DPYSL3: variants seen among roughly 807,000 people sequenced by gnomAD.
The protein encoded by DPYSL3 is dihydropyrimidinase-related protein 3.
A neutral mutation model predicts 66.1 loss-of-function variants in DPYSL3; 16 were observed. The observed-to-expected ratio is 0.24, with a 90% confidence interval of 0.16 to 0.37. The LOEUF is 0.37. Ranked by LOEUF, DPYSL3 falls within the 10% of genes least tolerant of loss-of-function variation. DPYSL3 has a pLI of 1.00. For missense variants in DPYSL3, 738 were observed against 916.2 expected, an observed-to-expected ratio of 0.81 and a Z score of 2.51; for synonymous variants, 338 against 345.1, an observed-to-expected ratio of 0.98 and a Z score of 0.23.
intron 1 of DPYSL3, among the ~76,000 whole-genome samples, chr5:147,474,612 G>A (rs1235003720): frequency 6.6e-6 from 1 of 152,010 alleles, no homozygotes; most frequent in East Asian, 1.9e-4. Context: ...ATTATGAATT[G>A]GAGGTAATGA....
chr5:147,399,023 G>A (rs1467651483), intron 11 of DPYSL3, 59 bp downstream of exon 11: 1 of 1,583,220 alleles, frequency 6.3e-7, no homozygotes, highest in East Asian at 2.2e-5. Flanking sequence ...CATTTCTCCT[G>A]ACCAAGTTCC....
chr5:147,484,052 G>A (rs1214799893), intron 1 of DPYSL3, among the ~76,000 whole-genome samples: 2 of 152,184 alleles, frequency 1.3e-5, no homozygotes, highest in African/African-American at 4.8e-5. Context: ...AATGACCTGT[G>A]AAATCAGCAG....
chr5:147,444,562 G>C (rs576812432), intron 1 of DPYSL3, among the ~76,000 whole-genome samples: 5 of 152,136 alleles, frequency 3.3e-5, no homozygotes, highest in African/African-American at 9.6e-5. Flanking sequence ...AAGGTTTTTG[G>C]TTCCATGAAT....
chr5:147,434,165 T>C lies in DPYSL3; in HGVS notation c.382-9202A>G, dbSNP rs149695198. Among the ~76,000 whole-genome samples, 4 of 152,298 alleles carry C rather than the reference T, an allele frequency of 2.6e-5. No homozygotes were observed. In the East Asian group the frequency reaches 7.7e-4, roughly 29 times the overall value. ...AATCAAATCCAAATTACAGTACAAA[T>C]ACAAGGCAGCTATTACCATTTTATA... On this transcript the variant is annotated intron_variant, in intron 1 of 13. Transcript: ENST00000343218.
At chr5:147,410,286 G>T (rs769084540) in intron 6 of DPYSL3, among the ~76,000 whole-genome samples, 1 of 151,858 alleles carries the variant, frequency 6.6e-6, no homozygotes, top group Non-Finnish European at 1.5e-5. Flanking sequence ...AATCACCAGG[G>T]GATTATTTTC....
In DPYSL3 at chr5:147,491,433, A is replaced by G. The variant is rs564303835; in HGVS notation, c.381+18045T>C. Reference sequence around the variant, plus strand: ...AAGGCAGAAAACCGAGTGTGAAGAGACTAAAACAAGCATCAAAACAAGAGT... The same window carrying G: ...AAGGCAGAAAACCGAGTGTGAAGAGGCTAAAACAAGCATCAAAACAAGAGT... On this transcript the variant is annotated intron_variant, in intron 1 of 13. Transcript: ENST00000343218. 2.6e-5 allele frequency among the ~76,000 whole-genome samples: 4 copies of G among 152,332 alleles called. No individual in the cohort carries two copies. In the East Asian group the frequency reaches 7.7e-4, roughly 29 times the overall value.
At chr5:147,458,548 A>G (rs558941521) in intron 1 of DPYSL3, among the ~76,000 whole-genome samples, 3 of 152,212 alleles carry the variant, frequency 2.0e-5, no homozygotes, top group Non-Finnish European at 2.9e-5. Context: ...TCATTACTCT[A>G]TGGACTCACC....
intron 1 of DPYSL3, among the ~76,000 whole-genome samples, chr5:147,494,092 C>G (rs1160069756): frequency 6.6e-6 from 1 of 152,032 alleles, no homozygotes; most frequent in Non-Finnish European, 1.5e-5. Flanking sequence ...ACTCGGGAGG[C>G]TGAGGCAGAA....
At chr5:147,458,056 A>G (rs1752877647) in intron 1 of DPYSL3, among the ~76,000 whole-genome samples, 1 of 152,208 alleles carries the variant, frequency 6.6e-6, no homozygotes, top group South Asian at 2.1e-4. Context: ...AAAATATGGT[A>G]TGATTATCTG....
intron 6 of DPYSL3, among the ~76,000 whole-genome samples, chr5:147,409,199 C>T (rs7700723): frequency 0.02 from 2,978 of 152,328 alleles, 94 homozygotes; most frequent in African/African-American, 0.068. Flanking sequence ...TCCTCCTAGG[C>T]TCTGGGTAAG....
At chr5:147,498,587 C>A (rs539882494) in intron 1 of DPYSL3, among the ~76,000 whole-genome samples, 1 of 152,272 alleles carries the variant, frequency 6.6e-6, no homozygotes, top group South Asian at 2.1e-4. Context: ...TCTCTACAAC[C>A]TCACCAATGT....
intron 13 of DPYSL3, 26 bp from the exon 14 acceptor site, chr5:147,394,149 G>C: frequency 6.2e-7 from 1 of 1,608,502 alleles, no homozygotes; most frequent in Non-Finnish European, 8.5e-7. Context: ...AATTCCCAGG[G>C]GGAAAAAAAA....
At chr5:147,417,155 T>A (rs1268598145) in intron 3 of DPYSL3, among the ~76,000 whole-genome samples, 8 of 152,202 alleles carry the variant, frequency 5.3e-5, no homozygotes, top group Admixed American at 4.6e-4. Flanking sequence ...TCACGGGGAA[T>A]CTGACTTCCC....
chr5:147,453,521 G>A (rs1026140740), intron 1 of DPYSL3: 29 of 1,522,462 alleles, frequency 1.9e-5, no homozygotes, highest in Non-Finnish European at 2.3e-5. Flanking sequence ...CGAGCGAGGA[G>A]GGAGGGAGCA....
At chr5:147,467,416 G>A (rs1753026792) in intron 1 of DPYSL3, among the ~76,000 whole-genome samples, 1 of 152,182 alleles carries the variant, frequency 6.6e-6, no homozygotes, top group African/African-American at 2.4e-5. Flanking sequence ...AGTCCCCATA[G>A]AAGTGAGTGG....
At chr5:147,485,622 A>G (rs1753317121) in intron 1 of DPYSL3, among the ~76,000 whole-genome samples, 1 of 152,202 alleles carries the variant, frequency 6.6e-6, no homozygotes, top group East Asian at 1.9e-4. Context: ...ATTTAATTCA[A>G]CTAATTTACA....
At chr5:147,501,425 T>C (rs1320494146) in intron 1 of DPYSL3, among the ~76,000 whole-genome samples, 1 of 151,680 alleles carries the variant, frequency 6.6e-6, no homozygotes, top group African/African-American at 2.4e-5. Flanking sequence ...GCCCATAAAA[T>C]GTGCAACACC....
At chr5:147,464,227 C>G (rs1752978297) in intron 1 of DPYSL3, among the ~76,000 whole-genome samples, 1 of 152,158 alleles carries the variant, frequency 6.6e-6, no homozygotes, top group African/African-American at 2.4e-5. Flanking sequence ...CATCAATGCC[C>G]TTTATATGGT....
intron 1 of DPYSL3, among the ~76,000 whole-genome samples, chr5:147,457,907 G>T (rs1752876253): frequency 6.6e-6 from 1 of 152,182 alleles, no homozygotes; most frequent in Non-Finnish European, 1.5e-5. Flanking sequence ...TATATTTCCG[G>T]GAAGGACTTC....
Sources: gnomAD v4.1 joint callset for allele counts (sites outside exome capture counted in the v4.1 genomes callset) on GRCh38, gnomAD v4.1.1 for gene constraint, MANE v1.5 for transcripts, NCBI Gene and HGNC (gene_info 2026-07-23, HGNC 2026-07-21) for gene names.